LNX1: variants seen among roughly 807,000 people sequenced by gnomAD.
LNX1 encodes the protein E3 ubiquitin-protein ligase LNX.
LNX1 carries 54 observed loss-of-function variants against 68.4 expected under a neutral mutation model. That is an observed-to-expected ratio of 0.79 (90% CI 0.63 to 0.99). The LOEUF (loss-of-function observed/expected upper bound fraction) is 0.99. Among genes scored for constraint, LNX1 ranks in the 50% least tolerant of loss-of-function variants. The pLI is 0.00. For synonymous variants in LNX1, 336 were observed against 350.0 expected (o/e 0.96, Z 0.45); for missense variants, 906 against 926.4 (o/e 0.98, Z 0.29).
chr4:53,553,530 G>A (rs1729665470), intron 2 of LNX1, among the ~76,000 whole-genome samples: 1 of 152,182 alleles, frequency 6.6e-6, no homozygotes, highest in South Asian at 2.1e-4. Context: ...CACATGCAGG[G>A]CTGTAAATAT....
intron 1 of LNX1, among the ~76,000 whole-genome samples, chr4:53,645,045 G>T (rs1415163053): frequency 6.6e-6 from 1 of 152,184 alleles, no homozygotes; most frequent in African/African-American, 2.4e-5. Context: ...ACAGCCAAAA[G>T]ATGATCCAGG....
intron 1 of LNX1, among the ~76,000 whole-genome samples, chr4:53,588,969 T>C (rs776440678): frequency 2.8e-4 from 42 of 152,264 alleles, no homozygotes; most frequent in Non-Finnish European, 4.9e-4. Flanking sequence ...CCTCCTTCTA[T>C]GGTACAATGA....
chr4:53,551,350 A>G lies in LNX1; in HGVS notation c.380+22273T>C, dbSNP rs757921177. On this transcript the variant is annotated intron_variant, in intron 2 of 10. Coordinates refer to ENST00000263925, the MANE Select transcript of LNX1 (RefSeq NM_001126328.3). The stretch of plus-strand genomic sequence containing the variant: ...TGTTAATTGTCTCTCTAAAATAATC[A>G]TTGGTTGAAGCCAGGGCCAGGCAGT... Among the ~76,000 whole-genome samples the G allele has an allele frequency of 2.0e-4, 31 of 152,122 alleles. 1 individual carries two copies. Among genetic ancestry groups the G allele is most frequent in the Non-Finnish European group, 2.8e-4 (19 of 68,018 alleles).
At chr4:53,513,446 C>G (rs748425626) in intron 2 of LNX1, among the ~76,000 whole-genome samples, 1 of 152,112 alleles carries the variant, frequency 6.6e-6, no homozygotes, top group Non-Finnish European at 1.5e-5. Flanking sequence ...TATATGGCTT[C>G]CCTGATCCCT....
At position 53,527,000 on chromosome 4, in the gene LNX1, G is replaced by A. The variant is rs1228193217; in HGVS notation, c.381-18773C>T. Among the ~76,000 whole-genome samples the A allele has an allele frequency of 2.1e-5, 3 of 143,530 alleles. 1 individual carries two copies. Among genetic ancestry groups the A allele is most frequent in the African/African-American group, 7.8e-5 (3 of 38,536 alleles). 94.2% of individuals were successfully genotyped at this position (143,530 alleles called of 152,430 possible). On this transcript the variant is annotated intron_variant, in intron 2 of 10. Transcript: ENST00000263925. ...TAAATGAAGGGTGAGGAATACATAA[G>A]AGGCTAAATATATGCTGGATCTAAT... is the stretch of plus-strand genomic sequence containing the variant.
At chr4:53,506,055 GGC>G (rs1725848146) in intron 4 of LNX1, among the ~76,000 whole-genome samples, 1 of 152,148 alleles carries the variant, frequency 6.6e-6, no homozygotes, top group African/African-American at 2.4e-5. Context: ...GAATTTTGAG[GGC>G]ATAATACATA....
At chr4:53,491,184 G>A (rs1456653288) in intron 6 of LNX1, among the ~76,000 whole-genome samples, 2 of 151,988 alleles carry the variant, frequency 1.3e-5, no homozygotes, top group African/African-American at 4.8e-5. Flanking sequence ...TCCAGGATGT[G>A]AGTTGCACCG....
chr4:53,622,747 T>C (rs561906898), intron 1 of LNX1, among the ~76,000 whole-genome samples: 4 of 152,278 alleles, frequency 2.6e-5, no homozygotes, highest in African/African-American at 9.6e-5. Context: ...CTTGTGTTTA[T>C]TGGGAAAACA....
intron 2 of LNX1, among the ~76,000 whole-genome samples, chr4:53,521,486 G>A (rs1727213537): frequency 6.6e-6 from 1 of 152,174 alleles, no homozygotes; most frequent in African/African-American, 2.4e-5. Flanking sequence ...GTGGAAAATT[G>A]TGTTCTTCCT....
At chr4:53,568,583 G>C (rs1177009559) in intron 2 of LNX1, among the ~76,000 whole-genome samples, 1 of 151,276 alleles carries the variant, frequency 6.6e-6, no homozygotes, top group African/African-American at 2.5e-5. Flanking sequence ...TTGAAAACGG[G>C]CACAAGACAG....
chr4:53,602,885 ATTC>A (rs1009023394), intron 2 of LNX1: 54 of 152,278 alleles, frequency 3.5e-4, no homozygotes, highest in African/African-American at 1.2e-3. Flanking sequence ...CCTTGAAAAA[ATTC>A]TTCTGTTTTC....
Position 53,460,806 on chromosome 4 carries a change from G to T in LNX1, c.*101C>A. ...ATACTTTTCCTGACATTTTTACAAT[G>T]TATTCTTTCTTTAAATATAAAAACT... is the stretch of plus-strand genomic sequence containing the variant. On this transcript the variant is annotated 3_prime_UTR_variant, in exon 11 of 11. Transcript: ENST00000263925. 8.6e-7 allele frequency: 1 copy of T among 1,162,922 alleles called. No individual in the cohort carries two copies. The highest frequency in any genetic ancestry group is 1.6e-5 in the African/African-American group (1 of 62,290). The allele number at this position is 1,162,922 out of a possible 1,614,324, so 72.0% of individuals were successfully genotyped here. A position where few individuals can be genotyped will look rare whatever the true frequency, so the allele number is the denominator to read the frequency against.
chr4:53,605,336 T>A (rs753926594), intron 2 of LNX1, among the ~76,000 whole-genome samples: 3 of 152,134 alleles, frequency 2.0e-5, no homozygotes, highest in Non-Finnish European at 4.4e-5. Flanking sequence ...GTGTATAATG[T>A]GATGTTTTGA....
intron 2 of LNX1, among the ~76,000 whole-genome samples, chr4:53,597,332 G>A (rs957007591): frequency 2.6e-5 from 4 of 152,056 alleles, no homozygotes; most frequent in African/African-American, 9.7e-5. Flanking sequence ...GGCTTTTTAT[G>A]ATCTGGCCCC....
chr4:53,644,264 G>A lies in LNX1; in HGVS notation c.-215+7904C>T, dbSNP rs1327106631. On this transcript the variant is annotated intron_variant, in intron 1 of 2. Coordinates refer to the LNX1 transcript ENST00000507168. Reference sequence around the variant, plus strand: ...AAAAATACAAAAATTAGATGGTTATGGTGGCATGCTCCTGTAGCCCTAGCT... The same window carrying A: ...AAAAATACAAAAATTAGATGGTTATAGTGGCATGCTCCTGTAGCCCTAGCT... Among the ~76,000 whole-genome samples the A allele has an allele frequency of 2.6e-5, 4 of 152,174 alleles. No homozygotes were observed. In the East Asian group the frequency reaches 7.7e-4, roughly 29 times the overall value.
intron 1 of LNX1, among the ~76,000 whole-genome samples, chr4:53,579,785 G>T (rs990760796): frequency 1.3e-5 from 2 of 152,156 alleles, no homozygotes; most frequent in African/African-American, 4.8e-5. Context: ...TATAGAAAAT[G>T]GTTATCAGAT....
chr4:53,501,299 TGGGG>T (rs1553932749), intron 4 of LNX1, among the ~76,000 whole-genome samples: 2 of 38,812 alleles, frequency 5.2e-5, no homozygotes, highest in East Asian at 6.9e-4. Flanking sequence ...TTTTTTTTTT[TGGGG>T]GTGGGGGGAC....
intron 7 of LNX1, 78 bp from the exon 8 acceptor site, chr4:53,478,820 G>T: frequency 7.1e-7 from 1 of 1,409,892 alleles, no homozygotes; most frequent in Non-Finnish European, 9.7e-7. Flanking sequence ...TGCAAAGTGG[G>T]TTTCCATTTT....
intron 2 of LNX1, among the ~76,000 whole-genome samples, chr4:53,532,438 C>T (rs940248487): frequency 2.6e-5 from 4 of 151,714 alleles, no homozygotes; most frequent in African/African-American, 9.7e-5. Context: ...TAGACTCCAT[C>T]TCAAATAAAT....
Sources: allele counts gnomAD v4.1 joint callset (sites outside exome capture counted in the v4.1 genomes callset), GRCh38; gene constraint gnomAD v4.1.1; transcripts MANE v1.5; gene names NCBI Gene and HGNC (gene_info 2026-07-23, HGNC 2026-07-21).